The following PLPPR1 variants were observed in gnomAD, a reference collection of about 807,000 sequenced individuals.
The protein encoded by PLPPR1 is phospholipid phosphatase related 1, also known as phospholipid phosphatase-related protein type 1.
A neutral mutation model predicts 33.1 loss-of-function variants in PLPPR1; 10 were observed. The observed-to-expected ratio is 0.30, with a 90% CI of 0.19 to 0.51. PLPPR1 has a LOEUF of 0.51. PLPPR1 is among the 20% of genes least tolerant of loss of function. The pLI is 0.97. For synonymous variants in PLPPR1, 151 were observed against 151.0 expected (o/e 1.00, Z 0.00); for missense variants, 304 against 408.1 (o/e 0.74, Z 2.20).
chr9:101,062,092 A>G (rs1266676364), intron 1 of PLPPR1, among the ~76,000 whole-genome samples: 2 of 151,786 alleles, frequency 1.3e-5, no homozygotes, highest in Non-Finnish European at 2.9e-5. Flanking sequence ...CTAGCTGTCA[A>G]TCAAACTCTG....
intron 2 of PLPPR1, among the ~76,000 whole-genome samples, chr9:101,188,218 T>G (rs571902251): frequency 6.6e-6 from 1 of 152,216 alleles, no homozygotes; most frequent in Admixed American, 6.6e-5. Context: ...GAAAATATTC[T>G]TATTTTTGTC....
intron 1 of PLPPR1, among the ~76,000 whole-genome samples, chr9:101,154,869 C>A (rs958727270): frequency 6.7e-5 from 10 of 149,398 alleles, no homozygotes; most frequent in Non-Finnish European, 1.2e-4. Context: ...GGACAAAAAA[C>A]CAAACACCGC....
At position 101,257,034 on chromosome 9, in the gene PLPPR1, G is replaced by T. The variant is rs78559099; in HGVS notation, c.64-12846G>T. 8.7e-3 allele frequency among the ~76,000 whole-genome samples: 1,317 copies of T among 152,000 alleles called. 13 individuals carry two copies. The highest frequency in any genetic ancestry group is 0.028 in the African/African-American group (1,163 of 41,464). On this transcript the variant is annotated intron_variant, in intron 2 of 7. Transcript: ENST00000374874. ...ATTCTTTATATTGATAATTTAGTGC[G>T]CCATGGGTAGAAAGTGGGGGAAGCT...
chr9:101,077,584 A>T (rs1173789051), intron 1 of PLPPR1, among the ~76,000 whole-genome samples: 1 of 152,168 alleles, frequency 6.6e-6, no homozygotes, highest in Admixed American at 6.5e-5. Context: ...TTATTGGAGG[A>T]TGTGCTCAGA....
At chr9:101,212,979 G>A (rs1826716541) in intron 2 of PLPPR1, among the ~76,000 whole-genome samples, 1 of 152,072 alleles carries the variant, frequency 6.6e-6, no homozygotes, top group Non-Finnish European at 1.5e-5. Context: ...GTCATAAATA[G>A]TTTACATAAA....
chr9:101,140,863 T>C (rs1831442402), intron 1 of PLPPR1, among the ~76,000 whole-genome samples: 1 of 152,106 alleles, frequency 6.6e-6, no homozygotes, highest in African/African-American at 2.4e-5. Flanking sequence ...GATGATAAAC[T>C]AACTGGCAAT....
At chr9:101,061,146 T>C (rs1888163) in intron 1 of PLPPR1, among the ~76,000 whole-genome samples, 103,751 of 151,534 alleles carry the variant, frequency 0.68, 35,887 homozygotes, top group East Asian at 0.88. Flanking sequence ...TCTGCTCTGC[T>C]CTTTACAAAA....
chr9:101,032,848 A>G (rs1367788537), intron 1 of PLPPR1, among the ~76,000 whole-genome samples: 1 of 152,164 alleles, frequency 6.6e-6, no homozygotes, highest in Non-Finnish European at 1.5e-5. Context: ...AAATAGCATC[A>G]TGACTCTTTT....
At chr9:101,203,034 T>G (rs982219923) in intron 2 of PLPPR1, among the ~76,000 whole-genome samples, 1 of 152,182 alleles carries the variant, frequency 6.6e-6, no homozygotes, top group African/African-American at 2.4e-5. Context: ...ATAAGAAATA[T>G]CAAATAATCC....
At chr9:101,195,014 A>G (rs1333132070) in intron 2 of PLPPR1, among the ~76,000 whole-genome samples, 2 of 152,218 alleles carry the variant, frequency 1.3e-5, no homozygotes, top group Non-Finnish European at 2.9e-5. Flanking sequence ...AACATATCAC[A>G]GGCTGATTTC....
chr9:101,191,319 C>A (rs946114854), intron 2 of PLPPR1, among the ~76,000 whole-genome samples: 1 of 152,124 alleles, frequency 6.6e-6, no homozygotes, highest in Non-Finnish European at 1.5e-5. Flanking sequence ...CATAACATTA[C>A]TTTTTGTTAG....
intron 3 of PLPPR1, among the ~76,000 whole-genome samples, chr9:101,276,426 A>G (rs574127876): frequency 9.3e-4 from 142 of 152,222 alleles, no homozygotes; most frequent in African/African-American, 3.3e-3. Context: ...TTCTCCTGAC[A>G]TCATGCCACC....
intron 2 of PLPPR1, among the ~76,000 whole-genome samples, chr9:101,224,889 G>A (rs1827030212): frequency 1.3e-5 from 2 of 152,222 alleles, no homozygotes; most frequent in South Asian, 2.1e-4. Context: ...CAGTTGCTGG[G>A]ATGAATAATA....
intron 1 of PLPPR1, among the ~76,000 whole-genome samples, chr9:101,097,640 C>T (rs1306285309): frequency 6.6e-6 from 1 of 152,078 alleles, no homozygotes. Context: ...GACAAACATA[C>T]AAATAATTAC....
chr9:101,049,365 A>G (rs1201005492), intron 1 of PLPPR1, among the ~76,000 whole-genome samples: 1 of 152,256 alleles, frequency 6.6e-6, no homozygotes, highest in Non-Finnish European at 1.5e-5. Flanking sequence ...AAATTTATAG[A>G]GTATTAAATA....
rs1263782200 is a variant in PLPPR1 at position 101,309,447 on chromosome 9, G to A, written c.622G>A (p.Ala208Thr). The A allele has an allele frequency of 3.7e-6, 6 of 1,613,850 alleles. No homozygotes were observed. The highest frequency in any genetic ancestry group is 1.1e-5 in the South Asian group (1 of 91,046). Reference sequence around the variant, plus strand: ...ACACGCTGCTCTGAGCATTTACTCCGCCTTATATGCCACGGTGAGTGTGCA... The same window carrying A: ...ACACGCTGCTCTGAGCATTTACTCCACCTTATATGCCACGGTGAGTGTGCA... Reference protein sequence around the residue: ...SKHAALSIYSALYATMYITST... With the variant: ...SKHAALSIYSTLYATMYITST... Residue 208 changes from alanine (A) to threonine (T), a missense_variant, in exon 5 of 8, where the codon GCC (alanine) becomes ACC (threonine). Transcript: ENST00000374874.
intron 1 of PLPPR1, among the ~76,000 whole-genome samples, chr9:101,112,258 C>T (rs564349459): frequency 1.4e-4 from 22 of 152,184 alleles, no homozygotes; most frequent in African/African-American, 5.3e-4. Context: ...GAAGCACATA[C>T]ATATATGTAT....
chr9:101,302,714 T>C (rs974149947), intron 4 of PLPPR1, among the ~76,000 whole-genome samples: 1 of 152,132 alleles, frequency 6.6e-6, no homozygotes, highest in African/African-American at 2.4e-5. Context: ...TGCTTGTACT[T>C]TTCTGTGTGG....
chr9:101,136,917 G>A (rs568286731), intron 1 of PLPPR1, among the ~76,000 whole-genome samples: 8 of 152,118 alleles, frequency 5.3e-5, no homozygotes, highest in African/African-American at 1.9e-4. Context: ...ACAACAGAGT[G>A]ATTATTTTAT....
Sources: allele counts gnomAD v4.1 joint callset (sites outside exome capture counted in the v4.1 genomes callset), GRCh38; gene constraint gnomAD v4.1.1; transcripts MANE v1.5; gene names NCBI Gene and HGNC (gene_info 2026-07-23, HGNC 2026-07-21).